PDE1A: variants seen among roughly 807,000 people sequenced by gnomAD.
PDE1A encodes phosphodiesterase 1A, also known as dual specificity calcium/calmodulin-dependent 3',5'-cyclic nucleotide phosphodiesterase 1A.
PDE1A carries 35 observed loss-of-function variants against 61.7 expected under a neutral mutation model. The ratio of observed to expected loss-of-function variants is 0.57; its 90% CI spans 0.43 to 0.75. PDE1A has a LOEUF of 0.75. PDE1A is among the 30% of genes least tolerant of loss of function. The pLI, the probability that PDE1A is intolerant of heterozygous loss-of-function variation, is 0.00. For synonymous variants in PDE1A, 232 were observed against 213.2 expected, an observed-to-expected ratio of 1.09 and a Z score of -0.77; for missense variants, 597 against 630.6, an observed-to-expected ratio of 0.95 and a Z score of 0.57.
intron 1 of PDE1A, among the ~76,000 whole-genome samples, chr2:182,383,087 C>A (rs1218873830): frequency 1.3e-5 from 2 of 152,142 alleles, no homozygotes; most frequent in Non-Finnish European, 2.9e-5. Context: ...CAATTAATCC[C>A]ATTCTCCAAG....
In PDE1A at chr2:182,319,899, T is replaced by C. The variant is rs36094848; in HGVS notation, c.54-55485A>G. Among the ~76,000 whole-genome samples, 866 of 152,330 alleles carry C rather than the reference T, an allele frequency of 5.7e-3. 2 individuals are homozygous for C. The highest frequency in any genetic ancestry group is 0.02 in the African/African-American group (835 of 41,586). On this transcript the variant is annotated intron_variant, in intron 1 of 13. Transcript: ENST00000351439. ...TTCAGTCTCTCCAGGATTCTAAGAC[T>C]ATGATAAATCAAGAAGCAGTTTTCC...
In PDE1A at chr2:182,357,570, A is replaced by C. The variant is rs190701998; in HGVS notation, c.53+69008T>G. 7.7e-4 allele frequency among the ~76,000 whole-genome samples: 117 copies of C among 152,298 alleles called. 1 individual carries two copies. Among genetic ancestry groups the C allele is most frequent in the Non-Finnish European group, 1.3e-3 (91 of 68,020 alleles). On this transcript the variant is annotated intron_variant, in intron 1 of 13. Coordinates refer to ENST00000351439, the Ensembl canonical transcript of PDE1A. ...GCCAACAGATTTTGAGCATTGCAGA[A>C]AGTGTGTTTATTTATTTATTTATTT...
intron 1 of PDE1A, among the ~76,000 whole-genome samples, chr2:182,313,511 T>C (rs1696131618): frequency 6.6e-6 from 1 of 152,258 alleles, no homozygotes; most frequent in Non-Finnish European, 1.5e-5. Context: ...TTTCTTTCTT[T>C]TTCTGGTATT....
the PDE1A span, among the ~76,000 whole-genome samples, chr2:182,613,032 A>C: frequency 6.6e-6 from 1 of 152,224 alleles, no homozygotes; most frequent in African/African-American, 2.4e-5. Flanking sequence ...CTTTGTAGTT[A>C]TACAAATTTT....
chr2:182,440,211 C>T (rs62188267), intron 2 of PDE1A, among the ~76,000 whole-genome samples: 26,964 of 151,966 alleles, frequency 0.18, 2,813 homozygotes, highest in Middle Eastern at 0.35. Flanking sequence ...CATCTAGGGT[C>T]ACTAGTCTAC....
the PDE1A span, among the ~76,000 whole-genome samples, chr2:182,621,648 G>A: frequency 1.3e-5 from 2 of 151,430 alleles, no homozygotes; most frequent in East Asian, 3.9e-4. Flanking sequence ...TGAATGTGTT[G>A]TCATAGTTTT....
intron 8 of PDE1A, 127 bp downstream of exon 8, chr2:182,205,813 C>T (rs1172719465): frequency 1.3e-6 from 1 of 756,120 alleles, no homozygotes; most frequent in African/African-American, 1.7e-5. Context: ...CAGAGTCATC[C>T]AGTCGACAGT....
chr2:182,566,724 G>A, the PDE1A span, among the ~76,000 whole-genome samples: 1 of 152,130 alleles, frequency 6.6e-6, no homozygotes, highest in South Asian at 2.1e-4. Context: ...CCTAGTGAGA[G>A]TGAATTTGCC....
At chr2:182,524,607 T>G, upstream of PDE1A, among the ~76,000 whole-genome samples, 1 of 152,092 alleles carries the variant, frequency 6.6e-6, no homozygotes, top group East Asian at 1.9e-4. Flanking sequence ...AAATAAAATT[T>G]TGAATAATAA....
intron 1 of PDE1A, among the ~76,000 whole-genome samples, chr2:182,349,445 T>A (rs1026416568): frequency 1.3e-5 from 2 of 152,216 alleles, no homozygotes; most frequent in African/African-American, 4.8e-5. Context: ...GCATTTATGT[T>A]TAGATTTTGT....
chr2:182,532,427 C>G, the PDE1A span, among the ~76,000 whole-genome samples: 8 of 151,978 alleles, frequency 5.3e-5, no homozygotes, highest in Non-Finnish European at 1.2e-4. Context: ...AAGCCAGACA[C>G]AAGAGATCAC....
chr2:182,573,009 T>C, the PDE1A span, among the ~76,000 whole-genome samples: 5 of 152,156 alleles, frequency 3.3e-5, no homozygotes, highest in Admixed American at 1.3e-4. Flanking sequence ...AGAGGAATTC[T>C]AATTCATCTC....
chr2:182,681,948 C>G, the PDE1A span, among the ~76,000 whole-genome samples: 1 of 152,150 alleles, frequency 6.6e-6, no homozygotes, highest in Non-Finnish European at 1.5e-5. Context: ...GCCCGGCCTA[C>G]TCTTTCTCTT....
chr2:182,563,363 G>T, the PDE1A span, among the ~76,000 whole-genome samples: 1 of 152,130 alleles, frequency 6.6e-6, no homozygotes, highest in African/African-American at 2.4e-5. Context: ...TAGTTAAGTG[G>T]TTTTGAGTGA....
rs1001854503 is a variant in PDE1A at position 182,412,673 on chromosome 2, C to T, written c.53+13905G>A. Among the ~76,000 whole-genome samples, 13 of 152,250 alleles carry T rather than the reference C, an allele frequency of 8.5e-5. No individual in the cohort carries two copies. In the East Asian group the frequency reaches 2.1e-3, roughly 25 times the overall value. On this transcript the variant is annotated intron_variant, in intron 1 of 13. Transcript: ENST00000351439. ...CTCTACCACTAACTAGCTGTGAGGA[C>T]TTAGTCAAAATACTTAATGTCTTAG... is the stretch of plus-strand genomic sequence containing the variant.
intron 7 of PDE1A, among the ~76,000 whole-genome samples, chr2:182,217,488 A>C (rs1688296515): frequency 1.5e-5 from 2 of 135,150 alleles, no homozygotes; most frequent in Admixed American, 7.7e-5. Context: ...GGCAACCTAC[A>C]AAATGGGAGA....
the PDE1A span, among the ~76,000 whole-genome samples, chr2:182,571,603 C>T: frequency 5.3e-5 from 8 of 152,086 alleles, no homozygotes; most frequent in Non-Finnish European, 1.2e-4. Context: ...CATTCAATGG[C>T]ACTTTCCTGT....
chr2:182,313,219 G>A (rs1696107049), intron 1 of PDE1A, among the ~76,000 whole-genome samples: 1 of 152,150 alleles, frequency 6.6e-6, no homozygotes, highest in Non-Finnish European at 1.5e-5. Flanking sequence ...TTCGACAGCA[G>A]CCTGGCCAAC....
At chr2:182,229,874 A>T (rs780413387) in intron 6 of PDE1A, 132 bp downstream of exon 6, 31 of 543,426 alleles carry the variant, frequency 5.7e-5, no homozygotes, top group Non-Finnish European at 8.8e-5. Context: ...TCAAAAATCC[A>T]AACAATTATT....
Sources: allele counts gnomAD v4.1 joint callset (sites outside exome capture counted in the v4.1 genomes callset), GRCh38; gene constraint gnomAD v4.1.1; transcripts MANE v1.5; gene names NCBI Gene and HGNC (gene_info 2026-07-23, HGNC 2026-07-21).